PTPRG: variants seen among roughly 807,000 people sequenced by gnomAD.
The protein encoded by PTPRG is protein tyrosine phosphatase receptor type G, also known as receptor-type tyrosine-protein phosphatase gamma.
A neutral mutation model predicts 165.3 loss-of-function variants in PTPRG; 102 were observed. That is an observed-to-expected ratio of 0.62 (90% confidence interval 0.53 to 0.73). PTPRG has a LOEUF of 0.73. PTPRG is among the 30% of genes least tolerant of loss of function. The probability of loss-of-function intolerance (pLI) is 0.00; values close to 1 mark genes in which losing one functional copy is unlikely to be tolerated. For missense variants in PTPRG, 1,866 were observed against 1,861.4 expected, an observed-to-expected ratio of 1.00 and a Z score of -0.05; for synonymous variants, 675 against 669.5, an observed-to-expected ratio of 1.01 and a Z score of -0.13.
At chr3:61,618,296 A>C (rs1701354206) in intron 1 of PTPRG, among the ~76,000 whole-genome samples, 1 of 152,220 alleles carries the variant, frequency 6.6e-6, no homozygotes, top group Non-Finnish European at 1.5e-5. Context: ...TACTGAAGTT[A>C]TATCCATTAA....
chr3:62,204,259 GTTTA>G (rs1700171180), intron 12 of PTPRG, among the ~76,000 whole-genome samples: 3 of 152,202 alleles, frequency 2.0e-5, no homozygotes, highest in South Asian at 4.1e-4. Context: ...ATCTTAAGAA[GTTTA>G]TTTATTAAGA....
chr3:62,088,964 T>C (rs1052590127), intron 5 of PTPRG, among the ~76,000 whole-genome samples: 1 of 152,238 alleles, frequency 6.6e-6, no homozygotes, highest in African/African-American at 2.4e-5. Context: ...ATTAACCATC[T>C]TTAACTGTAT....
At position 61,955,304 on chromosome 3, in the gene PTPRG, G is replaced by T. The variant is rs72885838; in HGVS notation, c.191-34321G>T. On this transcript the variant is annotated intron_variant, in intron 2 of 29. Transcript: ENST00000474889. The stretch of plus-strand genomic sequence containing the variant: ...AATGGCCACTTTTTTTTTCTCTTAC[G>T]CGAAGTAAATGCTATGTAAATTGAT... 5.5e-4 allele frequency among the ~76,000 whole-genome samples: 84 copies of T among 151,862 alleles called. 1 individual carries two copies. Among genetic ancestry groups the T allele is most frequent in the African/African-American group, 1.9e-3 (77 of 41,404 alleles).
In PTPRG at chr3:61,871,058, A is replaced by G. The variant is rs559756141; in HGVS notation, c.191-118567A>G. ...TTTTTTCTAGAATGAAGGGGCAATC[A>G]CCAGAGTGTCTTGAAGGTCCCATTC... is the stretch of plus-strand genomic sequence containing the variant. On this transcript the variant is annotated intron_variant, in intron 2 of 29. Transcript: ENST00000474889. 6.6e-5 allele frequency among the ~76,000 whole-genome samples: 10 copies of G among 151,980 alleles called. No individual in the cohort carries two copies. In the South Asian group the frequency reaches 1.2e-3, roughly 19 times the overall value.
intron 1 of PTPRG, among the ~76,000 whole-genome samples, chr3:61,621,530 A>G (rs1701456731): frequency 6.6e-6 from 1 of 152,096 alleles, no homozygotes; most frequent in African/African-American, 2.4e-5. Flanking sequence ...TTTCTGATTC[A>G]TCTCAGCAAT....
intron 2 of PTPRG, among the ~76,000 whole-genome samples, chr3:61,952,922 C>T (rs974627843): frequency 1.3e-5 from 2 of 152,308 alleles, no homozygotes; most frequent in Admixed American, 6.5e-5. Context: ...CTGTTGTCTA[C>T]ACAGAAAATC....
At chr3:61,665,680 T>C (rs1245441950) in intron 1 of PTPRG, among the ~76,000 whole-genome samples, 1 of 151,734 alleles carries the variant, frequency 6.6e-6, no homozygotes, top group Admixed American at 6.6e-5. Context: ...AAAAGAAAAT[T>C]AACTGGGTGT....
rs1559583345 is a variant in PTPRG at position 61,738,301 on chromosome 3, TATATATATATAC to T, written c.86-10565_86-10554del. Among the ~76,000 whole-genome samples the T allele has an allele frequency of 1.8e-3, 152 of 84,252 alleles. 12 individuals carry two copies. The highest frequency in any genetic ancestry group is 5.2e-3 in the African/African-American group (121 of 23,094). The allele number at this position is 84,252 out of a possible 152,430, so 55.3% of individuals were successfully genotyped here. ...ATACATATATATATATATATATATA[TATATATATATAC>T]ATATATATATATATATATATATATG... On this transcript the variant is annotated intron_variant, in intron 1 of 29. Coordinates refer to ENST00000474889, the MANE Select transcript of PTPRG (RefSeq NM_002841.4).
rs551730323 is a variant in PTPRG, at chr3:62,160,786, A to C, written c.840+3562A>C. Among the ~76,000 whole-genome samples the C allele has an allele frequency of 2.6e-5, 4 of 151,554 alleles. No homozygotes were observed. In the South Asian group the frequency reaches 8.3e-4, roughly 32 times the overall value. On this transcript the variant is annotated intron_variant, in intron 7 of 29. Transcript: ENST00000474889. Reference sequence around the variant, plus strand: ...ATTTTCCCCAGCTTGAATTTTACTTAAGTGCTTGTAGGGGGTGCTATCAAA... The same window carrying C: ...ATTTTCCCCAGCTTGAATTTTACTTCAGTGCTTGTAGGGGGTGCTATCAAA...
intron 2 of PTPRG, among the ~76,000 whole-genome samples, chr3:61,778,618 T>G (rs1235602812): frequency 6.6e-6 from 1 of 152,014 alleles, no homozygotes; most frequent in Non-Finnish European, 1.5e-5. Flanking sequence ...TGCCTCAACT[T>G]GGTCCCTGCT....
At chr3:61,672,792 GGAGAGAGGGGGA>G (rs1380927910) in intron 1 of PTPRG, among the ~76,000 whole-genome samples, 44 of 147,214 alleles carry the variant, frequency 3.0e-4, no homozygotes, top group Non-Finnish European at 5.5e-4. Context: ...GGAGAGAGAG[GGAGAGAGGGGGA>G]GAGAGAGGGA....
intron 4 of PTPRG, among the ~76,000 whole-genome samples, chr3:62,033,477 C>T (rs1218012075): frequency 6.6e-6 from 1 of 151,296 alleles, no homozygotes; most frequent in African/African-American, 2.4e-5. Flanking sequence ...GATTCTCCCA[C>T]CTAAGCCTCG....
At chr3:62,153,011 T>G (rs1370228485) in intron 6 of PTPRG, among the ~76,000 whole-genome samples, 1 of 152,242 alleles carries the variant, frequency 6.6e-6, no homozygotes, top group Non-Finnish European at 1.5e-5. Flanking sequence ...TTATTCTCAT[T>G]AAGTAGATAT....
chr3:62,258,506 T>A (rs1701602434), intron 16 of PTPRG, among the ~76,000 whole-genome samples: 1 of 152,192 alleles, frequency 6.6e-6, no homozygotes, highest in Non-Finnish European at 1.5e-5. Context: ...GTATTTTCAT[T>A]GGAGATTTCA....
chr3:62,167,931 GT>G (rs61078615), intron 7 of PTPRG, 39 bp from the exon 8 acceptor site: 624 of 1,419,960 alleles, frequency 4.4e-4, no homozygotes, highest in Middle Eastern at 1.5e-3. Context: ...TTTTTGTGTT[GT>G]TTTTTTTTTC....
chr3:62,144,526 G>A (rs1042745823), intron 6 of PTPRG, among the ~76,000 whole-genome samples: 4 of 152,178 alleles, frequency 2.6e-5, no homozygotes, highest in African/African-American at 4.8e-5. Context: ...AAAGTTTCCC[G>A]TTTGAAGTTT....
At chr3:62,202,723 G>A (rs1700124205) in intron 11 of PTPRG, among the ~76,000 whole-genome samples, 1 of 152,178 alleles carries the variant, frequency 6.6e-6, no homozygotes, top group South Asian at 2.1e-4. Context: ...GGATCACCCA[G>A]TATCTTTCCA....
At chr3:61,596,452 T>TTGC (rs1700702840) in intron 1 of PTPRG, among the ~76,000 whole-genome samples, 1 of 152,026 alleles carries the variant, frequency 6.6e-6, no homozygotes, top group Admixed American at 6.6e-5. Context: ...TTTGTTGTTG[T>TTGC]TGTTGAAGCA....
chr3:61,823,434 G>T (rs191488934), intron 2 of PTPRG, among the ~76,000 whole-genome samples: 2 of 152,040 alleles, frequency 1.3e-5, no homozygotes, highest in Non-Finnish European at 2.9e-5. Context: ...GTGATCCACC[G>T]CCTCGGCCTC....
Sources: gnomAD v4.1 joint callset for allele counts (sites outside exome capture counted in the v4.1 genomes callset) on GRCh38, gnomAD v4.1.1 for gene constraint, MANE v1.5 for transcripts, NCBI Gene and HGNC (gene_info 2026-07-23, HGNC 2026-07-21) for gene names.